MECOM: variants seen among roughly 807,000 people sequenced by gnomAD.
MECOM encodes the protein MDS1 and EVI1 complex locus.
MECOM carries 13 observed loss-of-function variants against 116.3 expected under a neutral mutation model. The ratio of observed to expected loss-of-function variants is 0.11; its 90% CI spans 0.07 to 0.18. MECOM has a LOEUF of 0.18. Ranked by LOEUF, MECOM falls within the 10% of genes least tolerant of loss-of-function variation. The probability of loss-of-function intolerance (pLI) is 1.00; values close to 1 mark genes in which losing one functional copy is unlikely to be tolerated. For synonymous variants in MECOM, 528 were observed against 535.2 expected, an observed-to-expected ratio of 0.99 and a Z score of 0.19; for missense variants, 1,299 against 1,509.0, an observed-to-expected ratio of 0.86 and a Z score of 2.31.
chr3:169,387,158 C>G (rs1733474757), intron 1 of MECOM, among the ~76,000 whole-genome samples: 1 of 151,908 alleles, frequency 6.6e-6, no homozygotes, highest in Admixed American at 6.6e-5. Context: ...TCCTTACCTA[C>G]AGAAGGGAAA....
chr3:169,610,042 T>G (rs779836885), intron 1 of MECOM, among the ~76,000 whole-genome samples: 2 of 152,224 alleles, frequency 1.3e-5, no homozygotes, highest in Non-Finnish European at 2.9e-5. Flanking sequence ...TCATTTTCTA[T>G]TCTGAACCCT....
chr3:169,539,264 T>C (rs1304869512), intron 1 of MECOM, among the ~76,000 whole-genome samples: 5 of 152,212 alleles, frequency 3.3e-5, no homozygotes, highest in African/African-American at 1.2e-4. Flanking sequence ...CAGAGGCCTA[T>C]GATTCATTTG....
chr3:169,435,098 C>A (rs760042864), intron 1 of MECOM, among the ~76,000 whole-genome samples: 3 of 152,108 alleles, frequency 2.0e-5, no homozygotes, highest in African/African-American at 4.8e-5. Flanking sequence ...TAGTGCATTT[C>A]TATAGTTTGT....
At chr3:169,434,176 C>T (rs1383015134) in intron 1 of MECOM, among the ~76,000 whole-genome samples, 1 of 152,052 alleles carries the variant, frequency 6.6e-6, no homozygotes, top group Non-Finnish European at 1.5e-5. Flanking sequence ...AGATACTAAA[C>T]AAATATACAG....
intron 1 of MECOM, among the ~76,000 whole-genome samples, chr3:169,612,833 C>A (rs1769451679): frequency 2.0e-5 from 3 of 152,202 alleles, no homozygotes. Context: ...CTGTCCTATA[C>A]ACCTAAAGAT....
intron 12 of MECOM, among the ~76,000 whole-genome samples, chr3:169,096,223 T>G (rs1415457656): frequency 6.6e-6 from 1 of 151,902 alleles, no homozygotes; most frequent in East Asian, 1.9e-4. Flanking sequence ...TTTATGATTT[T>G]GGGGGGCATG....
chr3:169,385,164 C>A (rs1368265998), intron 1 of MECOM, among the ~76,000 whole-genome samples: 8 of 150,596 alleles, frequency 5.3e-5, no homozygotes, highest in African/African-American at 2.0e-4. Context: ...ACTGGCATAG[C>A]TTATCCCATG....
At chr3:169,111,189 A>G (rs1727262260) in intron 9 of MECOM, among the ~76,000 whole-genome samples, 1 of 152,146 alleles carries the variant, frequency 6.6e-6, no homozygotes, top group Non-Finnish European at 1.5e-5. Context: ...AGCCAGGTAG[A>G]CTAAGATGTT....
intron 1 of MECOM, among the ~76,000 whole-genome samples, chr3:169,524,622 CCTT>C (rs767194208): frequency 2.4e-4 from 37 of 152,312 alleles, no homozygotes; most frequent in African/African-American, 7.9e-4. Context: ...TCAGCTCAAT[CCTT>C]TTAGCACTGG....
Position 169,540,232 on chromosome 3 carries a change from C to T in MECOM, c.37+123104G>A, listed in dbSNP as rs1056708132. Among the ~76,000 whole-genome samples, 6 of 152,132 alleles carry T rather than the reference C, an allele frequency of 3.9e-5. No homozygotes were observed. The East Asian group carries it at 1.2e-3, about 29-fold the overall frequency. On this transcript the variant is annotated intron_variant, in intron 1 of 16. Coordinates refer to ENST00000651503, the MANE Select transcript of MECOM (RefSeq NM_004991.4). Reference sequence around the variant, plus strand: ...TTCCTCTTCTGCTGTTACCTCTCACCATTCACCTGAACTAGAAAATAAACA... The same window carrying T: ...TTCCTCTTCTGCTGTTACCTCTCACTATTCACCTGAACTAGAAAATAAACA...
At chr3:169,493,711 CCT>C (rs1753429676) in intron 1 of MECOM, among the ~76,000 whole-genome samples, 1 of 151,842 alleles carries the variant, frequency 6.6e-6, no homozygotes, top group Non-Finnish European at 1.5e-5. Flanking sequence ...CAGAAACAGC[CCT>C]GACACTTTAT....
At chr3:169,177,733 C>T (rs867380041) in intron 2 of MECOM, among the ~76,000 whole-genome samples, 3 of 151,826 alleles carry the variant, frequency 2.0e-5, no homozygotes, top group Non-Finnish European at 4.4e-5. Flanking sequence ...CCTGGACAAC[C>T]TGGTGAAATA....
intron 2 of MECOM, among the ~76,000 whole-genome samples, chr3:169,302,340 G>T (rs1000588128): frequency 2.0e-5 from 3 of 152,190 alleles, no homozygotes; most frequent in Non-Finnish European, 2.9e-5. Flanking sequence ...ATGCCGTGGG[G>T]TGGCACAACA....
At chr3:169,431,981 T>C (rs1243333049) in intron 1 of MECOM, among the ~76,000 whole-genome samples, 1 of 151,744 alleles carries the variant, frequency 6.6e-6, no homozygotes, top group African/African-American at 2.4e-5. Flanking sequence ...AATTTGGATT[T>C]TGGGGTGAGG....
chr3:169,430,834 T>C (rs1741497937), intron 1 of MECOM, among the ~76,000 whole-genome samples: 1 of 152,214 alleles, frequency 6.6e-6, no homozygotes, highest in Admixed American at 6.5e-5. Flanking sequence ...ACTTTAGGTT[T>C]ACCTTTGCTT....
chr3:169,168,901 TTATC>T (rs1744008166), intron 2 of MECOM, among the ~76,000 whole-genome samples: 1 of 151,736 alleles, frequency 6.6e-6, no homozygotes. Flanking sequence ...ATAGATAAAA[TTATC>T]TATAAAATGA....
chr3:169,151,701 TA>T (rs11346695), intron 2 of MECOM, among the ~76,000 whole-genome samples: 10,705 of 152,276 alleles, frequency 0.07, 485 homozygotes, highest in South Asian at 0.19. Flanking sequence ...GATGTGTGTT[TA>T]AAAAGAAAAT....
intron 2 of MECOM, among the ~76,000 whole-genome samples, chr3:169,183,460 C>T (rs776185519): frequency 1.3e-5 from 2 of 152,142 alleles, no homozygotes; most frequent in African/African-American, 2.4e-5. Flanking sequence ...CCCCTTCTTA[C>T]CCAACCTGCA....
intron 1 of MECOM, among the ~76,000 whole-genome samples, chr3:169,616,649 C>T (rs62295981): frequency 1.3e-5 from 2 of 152,038 alleles, no homozygotes; most frequent in Non-Finnish European, 2.9e-5. Context: ...CAATTTATTC[C>T]TTATAGTTGA....
Sources: gnomAD v4.1 joint callset for allele counts (sites outside exome capture counted in the v4.1 genomes callset) on GRCh38, gnomAD v4.1.1 for gene constraint, MANE v1.5 for transcripts, NCBI Gene and HGNC (gene_info 2026-07-23, HGNC 2026-07-21) for gene names.